ARSB: variants seen among roughly 807,000 people sequenced by gnomAD.
The protein encoded by ARSB is N-acetylgalactosamine-4-sulfatase.
A neutral mutation model predicts 50.9 loss-of-function variants in ARSB; 41 were observed. That is an observed-to-expected ratio of 0.81 (90% confidence interval 0.63 to 1.04). The LOEUF (loss-of-function observed/expected upper bound fraction) is 1.04. Ranked by LOEUF, ARSB falls within the 50% of genes least tolerant of loss-of-function variation. The probability of loss-of-function intolerance (pLI) is 0.00; values close to 1 mark genes in which losing one functional copy is unlikely to be tolerated. For synonymous variants in ARSB, 269 were observed against 284.8 expected (o/e 0.94, Z 0.56); for missense variants, 672 against 693.3 (o/e 0.97, Z 0.35).
chr5:78,796,879 C>CTT (rs1342063568), intron 6 of ARSB, among the ~76,000 whole-genome samples: 9,232 of 126,276 alleles, frequency 0.073, 687 homozygotes, highest in African/African-American at 0.16. Flanking sequence ...GTCTCGATCT[C>CTT]TTTTTTTTTT....
intron 4 of ARSB, among the ~76,000 whole-genome samples, chr5:78,894,202 G>T (rs949614341): frequency 1.3e-5 from 2 of 152,206 alleles, no homozygotes; most frequent in African/African-American, 4.8e-5. Flanking sequence ...CAGAATTGTG[G>T]TTTCAAAAGA....
intron 5 of ARSB, among the ~76,000 whole-genome samples, chr5:78,846,453 T>C (rs11750390): frequency 0.13 from 19,129 of 152,216 alleles, 1,409 homozygotes; most frequent in Middle Eastern, 0.21. Context: ...ATTGACTCTG[T>C]AGATTGCTTT....
chr5:78,797,258 G>A (rs921342171), intron 6 of ARSB, among the ~76,000 whole-genome samples: 4 of 152,200 alleles, frequency 2.6e-5, no homozygotes, highest in Non-Finnish European at 5.9e-5. Context: ...CACTGCGCCC[G>A]GCCTCTACCT....
At chr5:78,897,484 G>A (rs1231516175) in intron 4 of ARSB, among the ~76,000 whole-genome samples, 2 of 152,154 alleles carry the variant, frequency 1.3e-5, no homozygotes, top group African/African-American at 4.8e-5. Flanking sequence ...TTGGGGTCTG[G>A]CCTAAACCTC....
At chr5:78,916,359 A>C (rs533910997) in intron 4 of ARSB, among the ~76,000 whole-genome samples, 1 of 152,346 alleles carries the variant, frequency 6.6e-6, no homozygotes, top group South Asian at 2.1e-4. Flanking sequence ...GGGCCTGGGC[A>C]CACAGACAAA....
upstream of ARSB, chr5:78,985,871 C>G (rs1013362764): frequency 2.6e-5 from 4 of 152,230 alleles, no homozygotes. Context: ...CGCTTCCTCC[C>G]CACTAGCAAA....
At position 78,780,642 on chromosome 5, in the gene ARSB, G is replaced by A; in HGVS notation, c.1357C>T (p.Pro453Ser). The change falls in exon 8 of 8, where the codon CCA (proline) becomes TCA (serine). Residue 453 changes from proline (P) to serine (S), a missense_variant. Coordinates refer to ENST00000264914, the MANE Select transcript of ARSB (RefSeq NM_000046.5). The part of the protein sequence containing the change: ...GYPGCGYWFP[P>S]PSQYNVSEIP... ...TCAGAAACATTGTATTGAGACGGTG[G>A]AGGGAACCAGTAACCACAGCCTAGC... 1.2e-6 allele frequency: 2 copies of A among 1,614,142 alleles called. No homozygotes were observed. Among genetic ancestry groups the A allele is most frequent in the South Asian group, 1.1e-5 (1 of 91,078 alleles).
chr5:78,951,465 T>C (rs533068501), intron 4 of ARSB, among the ~76,000 whole-genome samples: 1 of 151,884 alleles, frequency 6.6e-6, no homozygotes, highest in Middle Eastern at 3.4e-3. Context: ...TGCAAAAGTG[T>C]CTAAACTGGT....
intron 5 of ARSB, among the ~76,000 whole-genome samples, chr5:78,872,157 C>G (rs1365258872): frequency 6.7e-6 from 1 of 148,244 alleles, no homozygotes; most frequent in African/African-American, 2.4e-5. Context: ...ATTAAAAAGT[C>G]AGGAAACAAC....
chr5:78,850,936 T>G (rs1745741405), intron 5 of ARSB, among the ~76,000 whole-genome samples: 1 of 152,248 alleles, frequency 6.6e-6, no homozygotes, highest in Non-Finnish European at 1.5e-5. Context: ...TGCGTCTATT[T>G]GATTCTTCTC....
intron 5 of ARSB, chr5:78,885,334 G>C: frequency 1.8e-6 from 1 of 540,752 alleles, no homozygotes; most frequent in Admixed American, 3.7e-5. Context: ...CAGCTTCAAA[G>C]ACCTTCCATG....
At chr5:78,782,575 T>C (rs577480919) in intron 6 of ARSB, among the ~76,000 whole-genome samples, 90 of 152,326 alleles carry the variant, frequency 5.9e-4, no homozygotes, top group Non-Finnish European at 1.1e-3. Flanking sequence ...ATTATATTAA[T>C]TTATCATTTT....
At chr5:78,837,049 C>T (rs2112712356) in intron 6 of ARSB, among the ~76,000 whole-genome samples, 1 of 152,330 alleles carries the variant, frequency 6.6e-6, no homozygotes, top group South Asian at 2.1e-4. Flanking sequence ...TCCCGCCGGG[C>T]CCCTCCTCCA....
At position 78,818,417 on chromosome 5, in the gene ARSB, C is replaced by T. The variant is rs187963229; in HGVS notation, c.1213+20939G>A. On this transcript the variant is annotated intron_variant, in intron 6 of 7. Coordinates refer to ENST00000264914, the MANE Select transcript of ARSB (RefSeq NM_000046.5). ...CTTAGTTATATCTGAGATAAAAGTCCTGCATCTGAGATACATATCTGAGAT... is the reference window on the plus strand; with the variant it reads ...CTTAGTTATATCTGAGATAAAAGTCTTGCATCTGAGATACATATCTGAGAT... Among the ~76,000 whole-genome samples, 290 of 152,094 alleles carry T rather than the reference C, an allele frequency of 1.9e-3. 1 individual carries two copies. The highest frequency in any genetic ancestry group is 6.7e-3 in the African/African-American group (279 of 41,486).
intron 6 of ARSB, among the ~76,000 whole-genome samples, chr5:78,798,707 G>A (rs1580979471): frequency 6.6e-6 from 1 of 152,212 alleles, no homozygotes; most frequent in African/African-American, 2.4e-5. Flanking sequence ...CCCTGCCCAC[G>A]GAATCAGCCT....
chr5:78,861,085 C>A (rs1332829303), intron 5 of ARSB, among the ~76,000 whole-genome samples: 1 of 152,134 alleles, frequency 6.6e-6, no homozygotes, highest in African/African-American at 2.4e-5. Flanking sequence ...CCTGAATAGA[C>A]CAATAACAGG....
At chr5:78,924,140 T>C (rs137879264) in intron 4 of ARSB, among the ~76,000 whole-genome samples, 108 of 152,324 alleles carry the variant, frequency 7.1e-4, no homozygotes, top group African/African-American at 2.5e-3. Context: ...ATGAAGATAA[T>C]AATAATAGCT....
At position 78,985,029 on chromosome 5, in the gene ARSB, C is replaced by A; in HGVS notation, c.220G>T (p.Ala74Ser). The A allele has an allele frequency of 6.5e-7, 1 of 1,541,768 alleles. No individual in the cohort carries two copies. Among genetic ancestry groups the A allele is most frequent in the Non-Finnish European group, 8.7e-7 (1 of 1,146,300 alleles). ...GSRIRTPHLD[A>S]LAAGGVLLDN... is the part of the protein sequence containing the mutation. ...AGGAGCACCCCGCCGGCCGCCAGCGCGTCCAGGTGCGGCGTGCGGATGCGG... is the reference window on the plus strand; with the variant it reads ...AGGAGCACCCCGCCGGCCGCCAGCGAGTCCAGGTGCGGCGTGCGGATGCGG... Residue 74 changes from alanine (A) to serine (S), a missense_variant, in exon 1 of 8, where the codon GCG (alanine) becomes TCG (serine). Physicochemically the swap from Ala to Ser is moderately conservative, Grantham distance 99. Coordinates refer to ENST00000264914, the MANE Select transcript of ARSB (RefSeq NM_000046.5).
intron 6 of ARSB, among the ~76,000 whole-genome samples, chr5:78,830,633 G>A (rs1274856261): frequency 6.6e-6 from 1 of 152,204 alleles, no homozygotes; most frequent in African/African-American, 2.4e-5. Flanking sequence ...TGTGTGAAGT[G>A]GGGTGGAGGG....
Sources: allele counts gnomAD v4.1 joint callset (sites outside exome capture counted in the v4.1 genomes callset), GRCh38; gene constraint gnomAD v4.1.1; transcripts MANE v1.5; gene names NCBI Gene and HGNC (gene_info 2026-07-23, HGNC 2026-07-21).